Variants in CACHD1 observed in about 807,000 individuals in gnomAD.
CACHD1 encodes VWFA and cache domain-containing protein 1.
CACHD1 carries 71 observed loss-of-function variants against 138.7 expected under a neutral mutation model. The ratio of observed to expected loss-of-function variants is 0.51; its 90% CI spans 0.42 to 0.62. The LOEUF is 0.62. CACHD1 is among the 20% of genes least tolerant of loss of function. CACHD1 has a pLI of 0.00. For synonymous variants in CACHD1, 578 were observed against 591.5 expected, an observed-to-expected ratio of 0.98 and a Z score of 0.33; for missense variants, 1,389 against 1,625.3, an observed-to-expected ratio of 0.85 and a Z score of 2.50.
At chr1:64,665,128 T>C (rs183304875) in intron 15 of CACHD1, among the ~76,000 whole-genome samples, 114 of 152,246 alleles carry the variant, frequency 7.5e-4, no homozygotes, top group Admixed American at 3.0e-3. Context: ...CAATGTGCTA[T>C]AGCATAGCAG....
rs1646728130 is a variant in CACHD1, at chr1:64,547,667, T to C, written c.199-2927T>C. On this transcript the variant is annotated intron_variant, in intron 1 of 26. Coordinates refer to ENST00000651257, the MANE Select transcript of CACHD1 (RefSeq NM_020925.4). ...CAGGCATGAGCCACCGCACCCAGCC[T>C]AAGCCTGAACTTTTAACCTTGCACC... 2.0e-5 allele frequency among the ~76,000 whole-genome samples: 3 copies of C among 152,286 alleles called. No homozygotes were observed. In the South Asian group the frequency reaches 6.2e-4, roughly 32 times the overall value.
chr1:64,575,036 T>G (rs1395004937), intron 2 of CACHD1, among the ~76,000 whole-genome samples: 1 of 152,238 alleles, frequency 6.6e-6, no homozygotes, highest in Non-Finnish European at 1.5e-5. Context: ...AGCTCTGTTG[T>G]TAGAAAATTT....
At chr1:64,614,032 T>C (rs539077686) in intron 4 of CACHD1, among the ~76,000 whole-genome samples, 9 of 152,384 alleles carry the variant, frequency 5.9e-5, no homozygotes, top group Non-Finnish European at 1.2e-4. Context: ...ACCTTCATTC[T>C]GGTTACACTG....
rs147238702 is a variant in CACHD1, at chr1:64,668,631, A to C, written c.2387+2464A>C. 2.0e-3 allele frequency among the ~76,000 whole-genome samples: 307 copies of C among 152,352 alleles called. 2 individuals are homozygous for C. Among genetic ancestry groups the C allele is most frequent in the African/African-American group, 7.1e-3 (296 of 41,588 alleles). On this transcript the variant is annotated intron_variant, in intron 16 of 26. Coordinates refer to ENST00000651257, the MANE Select transcript of CACHD1 (RefSeq NM_020925.4). ...AATAAGAGCAAGAAATGGCAGTTGAAGTCCTGGGTTCTGCCTCCTGAGTCA... is the reference window on the plus strand; with the variant it reads ...AATAAGAGCAAGAAATGGCAGTTGACGTCCTGGGTTCTGCCTCCTGAGTCA...
At chr1:64,534,044 ATT>A (rs1190973908) in intron 1 of CACHD1, among the ~76,000 whole-genome samples, 18 of 110,498 alleles carry the variant, frequency 1.6e-4, no homozygotes, top group Admixed American at 3.0e-4. Context: ...TGAGCCCAGC[ATT>A]TTTTTTTTTT....
At chr1:64,570,871 C>T (rs1354422994) in intron 2 of CACHD1, among the ~76,000 whole-genome samples, 3 of 140,506 alleles carry the variant, frequency 2.1e-5, no homozygotes, top group Non-Finnish European at 4.6e-5. Flanking sequence ...GGGGGGCGGG[C>T]GGGGGTGAGG....
intron 1 of CACHD1, among the ~76,000 whole-genome samples, chr1:64,510,946 A>G (rs144974111): frequency 3.7e-4 from 57 of 152,304 alleles, no homozygotes; most frequent in African/African-American, 1.4e-3. Context: ...CTGTGGGTAC[A>G]TTGGAATTTA....
intron 5 of CACHD1, among the ~76,000 whole-genome samples, chr1:64,630,601 T>A (rs6657923): frequency 0.8 from 121,080 of 152,126 alleles, 48,794 homozygotes; most frequent in East Asian, 0.94. Flanking sequence ...GATATTTTTA[T>A]TGTGTGTGTG....
intron 3 of CACHD1, among the ~76,000 whole-genome samples, 190 bp downstream of exon 3, chr1:64,582,494 G>A (rs1392435431): frequency 6.6e-6 from 1 of 152,120 alleles, no homozygotes; most frequent in Non-Finnish European, 1.5e-5. Context: ...TCTATAGCCA[G>A]GAAATTCCTG....
At chr1:64,671,240 A>C (rs1343715614) in intron 16 of CACHD1, among the ~76,000 whole-genome samples, 1 of 152,078 alleles carries the variant, frequency 6.6e-6, no homozygotes, top group East Asian at 1.9e-4. Flanking sequence ...TGTAGTAGTC[A>C]TGCATCCAAC....
rs764180229 is a variant in CACHD1 at position 64,634,018 on chromosome 1, GT to G, written c.790-12del. ...AGACGGTAGGATAACAAGTTTGGTG[GT>G]TTTTTTTTTTTTTCTTTCCTGCAGA... On this transcript the variant is annotated intron_variant, in intron 6 of 26. Transcript: ENST00000651257. 0.035 allele frequency: 40,383 copies of G among 1,162,724 alleles called. No individual in the cohort carries two copies. The highest frequency in any genetic ancestry group is 0.038 in the Non-Finnish European group (31,566 of 841,540). 72.0% of individuals were successfully genotyped at this position (1,162,724 alleles called of 1,614,324 possible).
intron 1 of CACHD1, among the ~76,000 whole-genome samples, chr1:64,500,265 G>A (rs574346122): frequency 6.6e-6 from 1 of 152,274 alleles, no homozygotes; most frequent in East Asian, 1.9e-4. Flanking sequence ...GAGCACTTGA[G>A]AATTCCAGTA....
chr1:64,559,257 A>G (rs115561196), intron 2 of CACHD1, among the ~76,000 whole-genome samples: 9,969 of 152,324 alleles, frequency 0.065, 463 homozygotes, highest in Non-Finnish European at 0.099. Context: ...AATGCCCATC[A>G]ATGACAAACT....
intron 2 of CACHD1, among the ~76,000 whole-genome samples, chr1:64,553,346 CTG>C (rs1434219766): frequency 7.2e-5 from 11 of 152,200 alleles, no homozygotes; most frequent in Admixed American, 6.5e-4. Context: ...ATTCTAGACT[CTG>C]TGGTCCTGGA....
rs17126703 is a variant in CACHD1 at position 64,575,488 on chromosome 1, T to C, written c.262-6668T>C. ...GTCACATACATTCAAATAACTAAAC[T>C]CTGAAACTTACTAGAAAACAAAATG... On this transcript the variant is annotated intron_variant, in intron 2 of 26. Coordinates refer to ENST00000651257, the MANE Select transcript of CACHD1 (RefSeq NM_020925.4). Among the ~76,000 whole-genome samples the C allele has an allele frequency of 8.4e-3, 1,278 of 152,304 alleles. 21 individuals carry two copies. Among genetic ancestry groups the C allele is most frequent in the African/African-American group, 0.029 (1,205 of 41,558 alleles).
intron 1 of CACHD1, among the ~76,000 whole-genome samples, chr1:64,505,252 G>C (rs1646362978): frequency 6.6e-6 from 1 of 152,158 alleles, no homozygotes; most frequent in South Asian, 2.1e-4. Context: ...AGATACAGGA[G>C]GGCAGTCAAG....
At chr1:64,580,538 T>A (rs1647003856) in intron 2 of CACHD1, among the ~76,000 whole-genome samples, 1 of 152,174 alleles carries the variant, frequency 6.6e-6, no homozygotes, top group Admixed American at 6.6e-5. Flanking sequence ...TTGACTGCAA[T>A]CAGAGGATAC....
At position 64,652,817 on chromosome 1, in the gene CACHD1, T is replaced by C. The variant is rs550439321; in HGVS notation, c.1540+507T>C. Among the ~76,000 whole-genome samples, 9 of 152,302 alleles carry C rather than the reference T, an allele frequency of 5.9e-5. No individual in the cohort carries two copies. The South Asian group carries it at 1.9e-3, about 32-fold the overall frequency. ...GTGGGAATGTAAATTAGGTCAGCCATTGTGGAAAGCAGTGTGATGATTCCT... is the reference window on the plus strand; with the variant it reads ...GTGGGAATGTAAATTAGGTCAGCCACTGTGGAAAGCAGTGTGATGATTCCT... On this transcript the variant is annotated intron_variant, in intron 10 of 26. Transcript: ENST00000651257.
chr1:64,532,929 C>T (rs1478870681), intron 1 of CACHD1, among the ~76,000 whole-genome samples: 1 of 151,912 alleles, frequency 6.6e-6, no homozygotes, highest in Non-Finnish European at 1.5e-5. Context: ...TAGAAGGTAA[C>T]AGCTCAGGAG....
Sources: gnomAD v4.1 joint callset for allele counts (sites outside exome capture counted in the v4.1 genomes callset) on GRCh38, gnomAD v4.1.1 for gene constraint, MANE v1.5 for transcripts, NCBI Gene and HGNC (gene_info 2026-07-23, HGNC 2026-07-21) for gene names.